The following DDX10 variants were observed in gnomAD, a reference collection of about 807,000 sequenced individuals.
DDX10 encodes the protein DEAD-box helicase 10, also known as probable ATP-dependent RNA helicase DDX10.
In DDX10, 74 loss-of-function variants were observed where a neutral mutation model predicts 104.3. The ratio of observed to expected loss-of-function variants is 0.71; its 90% confidence interval spans 0.59 to 0.86. DDX10 has a LOEUF of 0.86. Ranked by LOEUF, DDX10 falls within the 40% of genes least tolerant of loss-of-function variation. The pLI is 0.00. For missense variants in DDX10, 952 were observed against 1,040.0 expected, an observed-to-expected ratio of 0.92 and a Z score of 1.16; for synonymous variants, 351 against 353.4, an observed-to-expected ratio of 0.99 and a Z score of 0.08.
intron 13 of DDX10, among the ~76,000 whole-genome samples, chr11:108,776,595 T>G (rs1411786272): frequency 6.6e-6 from 1 of 152,170 alleles, no homozygotes; most frequent in African/African-American, 2.4e-5. Flanking sequence ...TATAATATTA[T>G]TCCCATGAGT....
At chr11:108,774,818 G>A (rs2094367797) in intron 13 of DDX10, among the ~76,000 whole-genome samples, 2 of 152,190 alleles carry the variant, frequency 1.3e-5, no homozygotes, top group Non-Finnish European at 2.9e-5. Context: ...ATGGATTTGG[G>A]CACACATGCA....
intron 13 of DDX10, among the ~76,000 whole-genome samples, chr11:108,743,278 C>A (rs12281660): frequency 0.066 from 10,099 of 152,170 alleles, 1,131 homozygotes; most frequent in African/African-American, 0.23. Context: ...AAAGCAAAAA[C>A]CACATGATTA....
chr11:108,705,438 G>T (rs2134460499), intron 9 of DDX10, among the ~76,000 whole-genome samples: 1 of 152,264 alleles, frequency 6.6e-6, no homozygotes, highest in South Asian at 2.1e-4. Flanking sequence ...GGCTAACCCT[G>T]AGTGGCCTCT....
At chr11:108,700,711 T>C (rs1425372014) in intron 9 of DDX10, among the ~76,000 whole-genome samples, 2 of 152,254 alleles carry the variant, frequency 1.3e-5, no homozygotes, top group East Asian at 3.8e-4. Context: ...CCGTGTACCC[T>C]TGGACAAGTC....
At chr11:108,696,476 G>A (rs1190581182) in intron 9 of DDX10, among the ~76,000 whole-genome samples, 6 of 151,690 alleles carry the variant, frequency 4.0e-5, no homozygotes, top group Non-Finnish European at 8.9e-5. Flanking sequence ...AGTGCCCGGC[G>A]AGTACCTGTT....
Position 108,679,381 on chromosome 11 carries a change from A to G in DDX10, c.669A>G (p.Glu223=), listed in dbSNP as rs2094231370. 6.3e-7 allele frequency: 1 copy of G among 1,594,056 alleles called. No individual in the cohort carries two copies. Among genetic ancestry groups the G allele is most frequent in the South Asian group, 1.1e-5 (1 of 87,462 alleles). ...ATDLQMLVLD[E]ADRILDMGFA... is the part of the protein sequence containing the mutation. ...ATTTTCCTTTTTCAGTTCTTGATGA[A>G]GCAGATAGAATCTTGGATATGGGCT... is the stretch of plus-strand genomic sequence containing the variant. Residue 223 remains glutamate, a synonymous_variant, in exon 6 of 18, where the codon GAA becomes GAG. Transcript: ENST00000322536.
intron 2 of DDX10, among the ~76,000 whole-genome samples, chr11:108,673,774 A>G (rs2094220199): frequency 6.6e-6 from 1 of 152,230 alleles, no homozygotes; most frequent in Admixed American, 6.5e-5. Context: ...GTTAGTTAAA[A>G]TAAGCAAGGG....
intron 13 of DDX10, among the ~76,000 whole-genome samples, chr11:108,785,277 T>C (rs571475592): frequency 3.3e-5 from 5 of 152,326 alleles, no homozygotes; most frequent in Admixed American, 3.3e-4. Context: ...GAATAAAGCC[T>C]GTTTTATTGT....
At chr11:108,868,362 T>G (rs928022607) in intron 16 of DDX10, 1 of 151,670 alleles carries the variant, frequency 6.6e-6, no homozygotes, top group African/African-American at 2.4e-5. Context: ...AGGAGTTCAG[T>G]GTAGGGATTT....
intron 6 of DDX10, 148 bp downstream of exon 6, chr11:108,679,708 C>T (rs1437077217): frequency 5.4e-6 from 3 of 552,368 alleles, no homozygotes; most frequent in Non-Finnish European, 8.8e-6. Flanking sequence ...GTTAAAATTA[C>T]CCAAATTCTG....
chr11:108,924,199 C>CA lies in DDX10; in HGVS notation c.2450+6188dup, dbSNP rs570377138. ...ATATATAATCTTAACCTTTTTCAAA[C>CA]AAAAAAAGGAAAAAGAAAAGGTGAT... On this transcript the variant is annotated intron_variant, in intron 17 of 17. Transcript: ENST00000322536. Among the ~76,000 whole-genome samples, 4 of 151,668 alleles carry CA rather than the reference C, an allele frequency of 2.6e-5. No homozygotes were observed. In the South Asian group the frequency reaches 8.3e-4, roughly 32 times the overall value.
chr11:108,769,497 T>C (rs934935573), intron 13 of DDX10, among the ~76,000 whole-genome samples: 4 of 152,190 alleles, frequency 2.6e-5, no homozygotes, highest in Non-Finnish European at 4.4e-5. Context: ...TTCTCTTATA[T>C]CTTTAGTAAA....
At chr11:108,813,196 T>C (rs753452014) in intron 13 of DDX10, among the ~76,000 whole-genome samples, 5 of 152,102 alleles carry the variant, frequency 3.3e-5, no homozygotes, top group Non-Finnish European at 7.4e-5. Context: ...AGTCAAAGGG[T>C]ACGTAAATTT....
chr11:108,732,060 T>C (rs1029340786), intron 13 of DDX10, among the ~76,000 whole-genome samples: 18 of 152,166 alleles, frequency 1.2e-4, no homozygotes, highest in Admixed American at 5.2e-4. Flanking sequence ...CTTGTCTCTC[T>C]GGAAAAAGAA....
intron 15 of DDX10, 23 bp downstream of exon 15, chr11:108,841,499 A>C: frequency 6.2e-7 from 1 of 1,608,650 alleles, no homozygotes. Flanking sequence ...TCTTGAATTC[A>C]TACTGAGTAA....
chr11:108,871,807 A>G (rs1305304496), intron 16 of DDX10, among the ~76,000 whole-genome samples: 1 of 152,172 alleles, frequency 6.6e-6, no homozygotes, highest in Non-Finnish European at 1.5e-5. Context: ...ACATGCCTGT[A>G]ATGCCAGATA....
At chr11:108,884,308 A>C (rs1422989583) in intron 16 of DDX10, among the ~76,000 whole-genome samples, 2 of 152,070 alleles carry the variant, frequency 1.3e-5, no homozygotes, top group African/African-American at 4.8e-5. Flanking sequence ...CCTTTAACAT[A>C]CCAGGCACAT....
In DDX10 at chr11:108,678,870, A is replaced by ATTT. The variant is rs769948315; in HGVS notation, c.658+459_658+461dup. On this transcript the variant is annotated intron_variant, in intron 5 of 17. Coordinates refer to ENST00000322536, the MANE Select transcript of DDX10 (RefSeq NM_004398.4). The stretch of plus-strand genomic sequence containing the variant: ...ATTATCCTTCAGCTGGTTTCCCCTA[A>ATTT]TTTTTTTTTTTTTTTTTTTTTTTTT... Among the ~76,000 whole-genome samples the ATTT allele has an allele frequency of 7.0e-4, 65 of 92,702 alleles. 3 individuals carry two copies. The highest frequency in any genetic ancestry group is 2.0e-3 in the South Asian group (5 of 2,486). The allele number at this position is 92,702 out of a possible 152,430, so 60.8% of individuals were successfully genotyped here.
intron 13 of DDX10, chr11:108,727,810 A>G: frequency 5.6e-6 from 1 of 178,222 alleles, no homozygotes; most frequent in Non-Finnish European, 1.2e-5. Context: ...ACATTCACTT[A>G]GGAATGACTA....
Sources: allele counts gnomAD v4.1 joint callset (sites outside exome capture counted in the v4.1 genomes callset), GRCh38; gene constraint gnomAD v4.1.1; transcripts MANE v1.5; gene names NCBI Gene and HGNC (gene_info 2026-07-23, HGNC 2026-07-21).